CIP2A: variants seen among roughly 807,000 people sequenced by gnomAD.
CIP2A encodes the protein protein CIP2A.
Under a neutral mutation model 110.9 loss-of-function variants are expected in CIP2A, and 103 were observed. That is an observed-to-expected ratio of 0.93 (90% CI 0.79 to 1.09). The LOEUF (loss-of-function observed/expected upper bound fraction) is 1.09, where lower values mean the gene tolerates loss of function less well. Among genes scored for constraint, CIP2A ranks in the 50% least tolerant of loss-of-function variants. The pLI, the probability that CIP2A is intolerant of heterozygous loss-of-function variation, is 0.00. For synonymous variants in CIP2A, 381 were observed against 361.6 expected (o/e 1.05, Z -0.61); for missense variants, 1,088 against 1,038.4 (o/e 1.05, Z -0.66).
At chr3:108,560,180 CTT>C (rs897198029) in intron 14 of CIP2A, 152 bp from the exon 15 acceptor site, 400 of 463,548 alleles carry the variant, frequency 8.6e-4, no homozygotes, top group Middle Eastern at 1.2e-3. Context: ...ACAAATATTT[CTT>C]TTTTTTTTTT....
rs113326337 is a variant in CIP2A at position 108,562,672 on chromosome 3, AT to A, written c.1634+453del. ...TTTCCACTTTCTGATAAAAGTTCAG[AT>A]TTTTTTCTTTAGGAACTCTCCTATT... On this transcript the variant is annotated intron_variant, in intron 13 of 20. Coordinates refer to ENST00000295746, the MANE Select transcript of CIP2A (RefSeq NM_020890.3). Among the ~76,000 whole-genome samples the A allele has an allele frequency of 5.2e-3, 795 of 152,142 alleles. 5 individuals carry two copies. The highest frequency in any genetic ancestry group is 0.018 in the African/African-American group (729 of 41,518).
At chr3:108,574,443 C>T (rs1938498320) in intron 8 of CIP2A, 1 of 152,144 alleles carries the variant, frequency 6.6e-6, no homozygotes, top group African/African-American at 2.4e-5. Context: ...ACTGAACTTA[C>T]GTATATCCTA....
intron 2 of CIP2A, among the ~76,000 whole-genome samples, chr3:108,583,934 C>T (rs1938965936): frequency 6.6e-6 from 1 of 152,094 alleles, no homozygotes; most frequent in African/African-American, 2.4e-5. Context: ...ATTATCATTT[C>T]AATTTTTCTG....
Position 108,584,666 on chromosome 3 carries a change from G to A in CIP2A, c.250+399C>T, listed in dbSNP as rs1938988646. Among the ~76,000 whole-genome samples, 4 of 152,232 alleles carry A rather than the reference G, an allele frequency of 2.6e-5. No homozygotes were observed. The South Asian group carries it at 8.3e-4, about 32-fold the overall frequency. On this transcript the variant is annotated intron_variant, in intron 2 of 20. Coordinates refer to ENST00000295746, the MANE Select transcript of CIP2A (RefSeq NM_020890.3). ...ACTGAAGAAAGTTTTATTGGACAAT[G>A]CTGCTCTGTGTTAATACTTCTGGAT...
At chr3:108,570,720 T>C (rs1938366635) in intron 8 of CIP2A, among the ~76,000 whole-genome samples, 1 of 151,976 alleles carries the variant, frequency 6.6e-6, no homozygotes, top group Non-Finnish European at 1.5e-5. Context: ...AATGACTGAG[T>C]AGTGAGTGAA....
chr3:108,573,977 AC>A (rs1938484158), intron 8 of CIP2A, among the ~76,000 whole-genome samples: 1 of 152,172 alleles, frequency 6.6e-6, no homozygotes, highest in African/African-American at 2.4e-5. Flanking sequence ...TTAGAAAAAA[AC>A]AATGGAGTCC....
At chr3:108,575,903 C>CACATATACATGTGT (rs1559699783) in intron 8 of CIP2A, among the ~76,000 whole-genome samples, 1 of 131,148 alleles carries the variant, frequency 7.6e-6, no homozygotes, top group African/African-American at 3.0e-5. Flanking sequence ...AGTATATATA[C>CACATATACATGTGT]ATATATACAT....
Position 108,560,225 on chromosome 3 carries a change from G to A in CIP2A, c.1828-197C>T, listed in dbSNP as rs571675453. ...GTCTCACTGTCACCCAGGTTGGAGTGAAGTGGTATGATCTTGGCTCACTGC... is the reference window on the plus strand; with the variant it reads ...GTCTCACTGTCACCCAGGTTGGAGTAAAGTGGTATGATCTTGGCTCACTGC... On this transcript the variant is annotated intron_variant, in intron 14 of 20. Coordinates refer to ENST00000295746, the MANE Select transcript of CIP2A (RefSeq NM_020890.3). Among the ~76,000 whole-genome samples, 4 of 151,838 alleles carry A rather than the reference G, an allele frequency of 2.6e-5. No individual in the cohort carries two copies. The East Asian group carries it at 5.8e-4, about 22-fold the overall frequency.
Position 108,553,735 on chromosome 3 carries a change from A to C in CIP2A, c.2325-5T>G. 2.0e-6 allele frequency: 3 copies of C among 1,472,048 alleles called. No individual in the cohort carries two copies. The highest frequency in any genetic ancestry group is 2.8e-6 in the Non-Finnish European group (3 of 1,060,304). The allele number at this position is 1,472,048 out of a possible 1,614,324, so 91.2% of individuals were successfully genotyped here. On this transcript the variant is annotated splice_polypyrimidine_tract_variant and splice_region_variant and intron_variant, in intron 18 of 20. Coordinates refer to ENST00000295746, the MANE Select transcript of CIP2A (RefSeq NM_020890.3). ...TCTATTAATTGGGCAATACTTCTGAAGTTATTAAAAAAAATAGAAGAAAAC... is the reference window on the plus strand; with the variant it reads ...TCTATTAATTGGGCAATACTTCTGACGTTATTAAAAAAAATAGAAGAAAAC...
At chr3:108,562,736 A>G (rs1216755033) in intron 13 of CIP2A, among the ~76,000 whole-genome samples, 3 of 152,018 alleles carry the variant, frequency 2.0e-5, no homozygotes, top group Non-Finnish European at 2.9e-5. Context: ...CATCGTTCTC[A>G]TGGATAACCC....
intron 2 of CIP2A, among the ~76,000 whole-genome samples, chr3:108,584,271 T>G (rs918431455): frequency 1.3e-5 from 2 of 152,140 alleles, no homozygotes; most frequent in African/African-American, 4.8e-5. Context: ...GATACTGATA[T>G]GGAAAGAAAC....
chr3:108,569,177 T>TATATATATATATATATATATAC lies in CIP2A; in HGVS notation c.1113+211_1113+212insGTATATATATATATATATATAT, dbSNP rs374983042. 1.1e-3 allele frequency among the ~76,000 whole-genome samples: 76 copies of TATATATATATATATATATATAC among 69,032 alleles called. 10 individuals carry two copies. The highest frequency in any genetic ancestry group is 3.3e-3 in the African/African-American group (73 of 21,810). 45.3% of individuals were successfully genotyped at this position (69,032 alleles called of 152,430 possible). A position where few individuals can be genotyped will look rare whatever the true frequency, so the allele number is the denominator to read the frequency against. ...TACACTGAAATGAGCACTATATATA[T>TATATATATATATATATATATAC]ATATACATACACACTACTCAGTGAA... On this transcript the variant is annotated intron_variant, in intron 9 of 20. Transcript: ENST00000295746.
intron 18 of CIP2A, 40 bp from the exon 19 acceptor site, chr3:108,553,770 C>A (rs1353424499): frequency 1.3e-6 from 2 of 1,490,280 alleles, no homozygotes; most frequent in Non-Finnish European, 1.8e-6. Context: ...CATTAATGAA[C>A]CATATACCAT....
chr3:108,557,558 G>T, intron 16 of CIP2A, 144 bp from the exon 17 acceptor site: 2 of 503,048 alleles, frequency 4.0e-6, no homozygotes, highest in South Asian at 6.2e-5. Context: ...CATATACTTA[G>T]GACTTTACTT....
At chr3:108,562,368 C>T (rs1411150950) in intron 13 of CIP2A, among the ~76,000 whole-genome samples, 1 of 152,086 alleles carries the variant, frequency 6.6e-6, no homozygotes, top group Non-Finnish European at 1.5e-5. Flanking sequence ...GGCCATATTC[C>T]AATAAAACTA....
chr3:108,552,406 A>G, intron 19 of CIP2A, 33 bp from the exon 20 acceptor site: 1 of 1,416,394 alleles, frequency 7.1e-7, no homozygotes. Flanking sequence ...TATTATACTC[A>G]GAGGTCTTAC....
At chr3:108,571,492 A>G (rs896972963) in intron 8 of CIP2A, among the ~76,000 whole-genome samples, 1 of 152,204 alleles carries the variant, frequency 6.6e-6, no homozygotes, top group Non-Finnish European at 1.5e-5. Context: ...ATACATTCAC[A>G]TGGTTCAAAA....
intron 12 of CIP2A, 24 bp downstream of exon 12, chr3:108,565,331 A>T: frequency 8.5e-7 from 1 of 1,173,432 alleles, no homozygotes; most frequent in Non-Finnish European, 1.2e-6. Flanking sequence ...AATAAACTTC[A>T]ATGTTTGAAG....
chr3:108,573,407 G>A (rs753437025), intron 8 of CIP2A, among the ~76,000 whole-genome samples: 3 of 150,420 alleles, frequency 2.0e-5, no homozygotes, highest in South Asian at 2.1e-4. Flanking sequence ...CTATCATAAC[G>A]CGAATTATTT....
Sources: gnomAD v4.1 joint callset for allele counts (sites outside exome capture counted in the v4.1 genomes callset) on GRCh38, gnomAD v4.1.1 for gene constraint, MANE v1.5 for transcripts, NCBI Gene and HGNC (gene_info 2026-07-23, HGNC 2026-07-21) for gene names.